Variants in HERC3 observed in about 807,000 individuals in gnomAD.
HERC3 encodes the protein probable E3 ubiquitin-protein ligase HERC3.
In HERC3, 58 loss-of-function variants were observed where a neutral mutation model predicts 129.9. The ratio of observed to expected loss-of-function variants is 0.45; its 90% CI spans 0.36 to 0.56. The LOEUF is 0.56. Among genes scored for constraint, HERC3 ranks in the 20% least tolerant of loss-of-function variants. The pLI, the probability that HERC3 is intolerant of heterozygous loss-of-function variation, is 0.00. For synonymous variants in HERC3, 430 were observed against 451.0 expected, an observed-to-expected ratio of 0.95 and a Z score of 0.59; for missense variants, 835 against 1,244.2, an observed-to-expected ratio of 0.67 and a Z score of 4.95.
the HERC3 span, among the ~76,000 whole-genome samples, chr4:88,558,096 GA>G: frequency 8.5e-6 from 1 of 117,356 alleles, no homozygotes; most frequent in Non-Finnish European, 1.9e-5. Flanking sequence ...AAAAAAAAAA[GA>G]AAAAAAGAAC....
At chr4:88,550,012 G>A in the HERC3 span, among the ~76,000 whole-genome samples, 1 of 152,176 alleles carries the variant, frequency 6.6e-6, no homozygotes, top group Non-Finnish European at 1.5e-5. Context: ...CTTTAGCAGG[G>A]AAGGGGAATG....
rs529063592 is a variant in HERC3, at chr4:88,705,325, T to C, written c.2944+715T>C. On this transcript the variant is annotated intron_variant, in intron 25 of 25. Transcript: ENST00000402738. Reference sequence around the variant, plus strand: ...GATGGAACTGGGAAGGTGTGATTTATAGCAGCTTTATTGGGCTATAATTTA... The same window carrying C: ...GATGGAACTGGGAAGGTGTGATTTACAGCAGCTTTATTGGGCTATAATTTA... Among the ~76,000 whole-genome samples, 44 of 152,388 alleles carry C rather than the reference T, an allele frequency of 2.9e-4. No individual in the cohort carries two copies. The South Asian group carries it at 8.9e-3, about 31-fold the overall frequency.
intron 3 of HERC3, among the ~76,000 whole-genome samples, chr4:88,628,901 G>A (rs1037734905): frequency 6.6e-6 from 1 of 152,182 alleles, no homozygotes; most frequent in Non-Finnish European, 1.5e-5. Flanking sequence ...AGGGCTGGGC[G>A]CGGTGGCTCA....
At position 88,697,845 on chromosome 4, in the gene HERC3, G is replaced by A. The variant is rs533742632; in HGVS notation, c.2658-6253G>A. The A allele has an allele frequency of 5.0e-5, 74 of 1,488,994 alleles. No individual in the cohort carries two copies. In the African/African-American group the frequency reaches 9.3e-4, roughly 19 times the overall value. The allele number at this position is 1,488,994 out of a possible 1,614,324, so 92.2% of individuals were successfully genotyped here. A position where few individuals can be genotyped will look rare whatever the true frequency, so the allele number is the denominator to read the frequency against. On this transcript the variant is annotated intron_variant, in intron 23 of 25. Coordinates refer to ENST00000402738, the MANE Select transcript of HERC3 (RefSeq NM_014606.3). ...GAGAGATCTTGCGGATGCGGCAAGT[G>A]GCGGTGACGTGCGGCCGCGGGAATG...
rs1291308146 is a variant in HERC3 at position 88,664,220 on chromosome 4, A to T, written c.1331+8A>T. ...AAGTTTTCTTGAAAAAAAGTAAGTG[A>T]CTTAGAGCCTTAAAAAACCCTCACG... On this transcript the variant is annotated splice_region_variant and intron_variant, in intron 12 of 25. Coordinates refer to ENST00000402738, the MANE Select transcript of HERC3 (RefSeq NM_014606.3). The T allele has an allele frequency of 1.2e-6, 2 of 1,610,322 alleles. No individual in the cohort carries two copies. Among genetic ancestry groups the T allele is most frequent in the African/African-American group, 1.3e-5 (1 of 74,752 alleles).
At chr4:88,559,910 A>G in the HERC3 span, among the ~76,000 whole-genome samples, 1 of 151,994 alleles carries the variant, frequency 6.6e-6, no homozygotes, top group Admixed American at 6.6e-5. Context: ...CACTAACAGC[A>G]CACAAGAGTT....
intron 3 of HERC3, among the ~76,000 whole-genome samples, chr4:88,619,363 A>T (rs1725264597): frequency 6.6e-6 from 1 of 152,240 alleles, no homozygotes; most frequent in African/African-American, 2.4e-5. Flanking sequence ...GGCATATGAT[A>T]ACAGGGCATT....
In HERC3 at chr4:88,689,584, T is replaced by G. The variant is rs535280882; in HGVS notation, c.2657+2285T>G. 2.4e-4 allele frequency among the ~76,000 whole-genome samples: 36 copies of G among 150,960 alleles called. 1 individual carries two copies. Among genetic ancestry groups the G allele is most frequent in the Middle Eastern group, 6.8e-3 (2 of 294 alleles). On this transcript the variant is annotated intron_variant, in intron 23 of 25. Transcript: ENST00000402738. ...CTTCTTCTTCCATCCTTGACTACTT[T>G]TTTTTTTTTTCGAGACAGAGTCTCA... is the stretch of plus-strand genomic sequence containing the variant.
At chr4:88,698,875 C>G (rs918387709) in intron 23 of HERC3, among the ~76,000 whole-genome samples, 1 of 147,744 alleles carries the variant, frequency 6.8e-6, no homozygotes, top group Non-Finnish European at 1.5e-5. Flanking sequence ...CCCCACCTTC[C>G]TCACCCTCTT....
Position 88,652,973 on chromosome 4 carries a change from A to G in HERC3, c.568A>G (p.Ile190Val), listed in dbSNP as rs1729456544. ...ACAGAGGGTGAGGTCCCTGGAGGGGATCCCACTGGCTCAGGTGGCTGCCGG... is the reference window on the plus strand; with the variant it reads ...ACAGAGGGTGAGGTCCCTGGAGGGGGTCCCACTGGCTCAGGTGGCTGCCGG... ...SPQRVRSLEG[I>V]PLAQVAAGGA... is the part of the protein sequence containing the mutation. The change falls in exon 6 of 26, where the codon ATC becomes GTC. Residue 190 changes from isoleucine to valine, a missense_variant. By Grantham distance (29) the Ile-to-Val change is conservative. Coordinates refer to ENST00000402738, the MANE Select transcript of HERC3 (RefSeq NM_014606.3). 6.2e-7 allele frequency: 1 copy of G among 1,614,118 alleles called. No homozygotes were observed. Among genetic ancestry groups the G allele is most frequent in the East Asian group, 2.2e-5 (1 of 44,870 alleles).
intron 10 of HERC3, among the ~76,000 whole-genome samples, chr4:88,660,353 T>C (rs576023434): frequency 1.3e-5 from 2 of 152,014 alleles, no homozygotes; most frequent in African/African-American, 4.8e-5. Flanking sequence ...AGGCGTCCGC[T>C]ACCATGCCTG....
At chr4:88,550,407 C>T in the HERC3 span, among the ~76,000 whole-genome samples, 1 of 152,120 alleles carries the variant, frequency 6.6e-6, no homozygotes, top group African/African-American at 2.4e-5. Context: ...CCCAAAATCT[C>T]CTTAAGCTGA....
Position 88,656,164 on chromosome 4 carries a change from A to G in HERC3, c.1069+129A>G, listed in dbSNP as rs73841610. 9.2e-4 allele frequency: 774 copies of G among 837,642 alleles called. 7 individuals are homozygous for G. In the African/African-American group the frequency reaches 0.01, roughly 11 times the overall value. The allele number at this position is 837,642 out of a possible 1,614,324, so 51.9% of individuals were successfully genotyped here. A position where few individuals can be genotyped will look rare whatever the true frequency, so the allele number is the denominator to read the frequency against. Reference sequence around the variant, plus strand: ...GAAGATAAGGTATTTTTTAACATCAATTAATAATTTCTGTACTTACTATGC... The same window carrying G: ...GAAGATAAGGTATTTTTTAACATCAGTTAATAATTTCTGTACTTACTATGC... On this transcript the variant is annotated intron_variant, in intron 9 of 25. Coordinates refer to ENST00000402738, the MANE Select transcript of HERC3 (RefSeq NM_014606.3).
intron 23 of HERC3, among the ~76,000 whole-genome samples, chr4:88,703,259 C>A (rs1176426006): frequency 1.3e-5 from 2 of 152,114 alleles, no homozygotes; most frequent in Non-Finnish European, 2.9e-5. Context: ...TCCCTCTTTC[C>A]ACTGTAAAGC....
chr4:88,622,536 G>A (rs897784273), intron 3 of HERC3, among the ~76,000 whole-genome samples: 7 of 152,122 alleles, frequency 4.6e-5, no homozygotes, highest in East Asian at 1.9e-4. Context: ...GTAACTCTGC[G>A]TTTAGCCTTT....
At chr4:88,641,205 TAATC>T (rs762134902) in intron 3 of HERC3, among the ~76,000 whole-genome samples, 31 of 152,304 alleles carry the variant, frequency 2.0e-4, no homozygotes, top group Non-Finnish European at 4.0e-4. Context: ...GCCTTATAAA[TAATC>T]AATGAGTCAA....
At chr4:88,528,579 A>T in the HERC3 span, among the ~76,000 whole-genome samples, 1 of 152,196 alleles carries the variant, frequency 6.6e-6, no homozygotes, top group Middle Eastern at 3.4e-3. Context: ...CAAGCAAGAG[A>T]CAAGCTGAAG....
intron 23 of HERC3, among the ~76,000 whole-genome samples, chr4:88,700,951 C>A (rs778650842): frequency 3.3e-5 from 5 of 152,148 alleles, no homozygotes; most frequent in Non-Finnish European, 5.9e-5. Flanking sequence ...ACCTGCTTTA[C>A]TCAAAGTCAA....
At chr4:88,605,290 T>A (rs1458672061) in intron 2 of HERC3, among the ~76,000 whole-genome samples, 2 of 152,156 alleles carry the variant, frequency 1.3e-5, no homozygotes, top group East Asian at 3.8e-4. Context: ...TTTTTTCTAT[T>A]TCTCATCTTC....
Sources: allele counts gnomAD v4.1 joint callset (sites outside exome capture counted in the v4.1 genomes callset), GRCh38; gene constraint gnomAD v4.1.1; transcripts MANE v1.5; gene names NCBI Gene and HGNC (gene_info 2026-07-23, HGNC 2026-07-21).